NFAT5: variants seen among roughly 807,000 people sequenced by gnomAD.
NFAT5 encodes nuclear factor of activated T-cells 5.
NFAT5 carries 31 observed loss-of-function variants against 166.5 expected under a neutral mutation model. The observed-to-expected ratio is 0.19, with a 90% CI of 0.14 to 0.25. The LOEUF is 0.25. NFAT5 is among the 10% of genes least tolerant of loss of function. NFAT5 has a pLI of 1.00. For missense variants in NFAT5, 1,449 were observed against 1,821.8 expected (o/e 0.80, Z 3.72); for synonymous variants, 612 against 639.7 (o/e 0.96, Z 0.65).
Position 69,667,766 on chromosome 16 carries a change from C to T in NFAT5, c.1370-2211C>T, listed in dbSNP as rs561798028. ...ATTAATGTAATTTTAACAAGATATACCATATGTTTCTGGAATGTTTTTAAA... is the reference window on the plus strand; with the variant it reads ...ATTAATGTAATTTTAACAAGATATATCATATGTTTCTGGAATGTTTTTAAA... On this transcript the variant is annotated intron_variant, in intron 7 of 14. Transcript: ENST00000349945. Among the ~76,000 whole-genome samples the T allele has an allele frequency of 2.0e-5, 3 of 152,154 alleles. No homozygotes were observed. The South Asian group carries it at 6.2e-4, about 32-fold the overall frequency.
chr16:69,672,169 A>T (rs1347527979), intron 9 of NFAT5, among the ~76,000 whole-genome samples: 2 of 152,222 alleles, frequency 1.3e-5, no homozygotes, highest in African/African-American at 4.8e-5. Flanking sequence ...GACAAATGCT[A>T]TGTGGCAAGT....
At chr16:69,638,571 T>G (rs950016563) in intron 3 of NFAT5, among the ~76,000 whole-genome samples, 3 of 151,654 alleles carry the variant, frequency 2.0e-5, no homozygotes, top group Non-Finnish European at 4.4e-5. Context: ...CCATCTCTAC[T>G]AAAAAATACA....
intron 2 of NFAT5, among the ~76,000 whole-genome samples, chr16:69,624,490 C>A (rs2034355445): frequency 1.3e-5 from 2 of 152,172 alleles, no homozygotes; most frequent in African/African-American, 4.8e-5. Flanking sequence ...CAGGTGTGAG[C>A]CACCGCGCCT....
chr16:69,660,775 A>G (rs1212867684), intron 7 of NFAT5, among the ~76,000 whole-genome samples: 2 of 151,058 alleles, frequency 1.3e-5, no homozygotes, highest in African/African-American at 4.9e-5. Context: ...TAGGTAATAA[A>G]TAGGAAAAAT....
At position 69,566,027 on chromosome 16, in the gene NFAT5, G is replaced by T. The variant is rs1597318449; in HGVS notation, c.-275G>T. The T allele has an allele frequency of 6.3e-6, 2 of 315,640 alleles. No homozygotes were observed. The highest frequency in any genetic ancestry group is 3.1e-5 in the South Asian group (1 of 32,754). The allele number at this position is 315,640 out of a possible 1,614,324, so 19.6% of individuals were successfully genotyped here. ...GTCAGTTTTCGCTGAGGAGAAACACGAAACGGACCCTTTGGCTCTCCCCCT... is the reference window on the plus strand; with the variant it reads ...GTCAGTTTTCGCTGAGGAGAAACACTAAACGGACCCTTTGGCTCTCCCCCT... On this transcript the variant is annotated 5_prime_UTR_variant, in exon 1 of 15. Transcript: ENST00000349945. The surrounding 1 kb of genome is among the most constrained non-coding windows in gnomAD (Gnocchi z 5.7).
At chr16:69,630,763 C>T (rs570502632) in intron 3 of NFAT5, among the ~76,000 whole-genome samples, 19 of 152,214 alleles carry the variant, frequency 1.2e-4, no homozygotes, top group African/African-American at 4.6e-4. Flanking sequence ...AGAATTAAAA[C>T]ATAGGTATTA....
At chr16:69,608,342 A>G (rs966321498) in intron 2 of NFAT5, among the ~76,000 whole-genome samples, 65 of 152,288 alleles carry the variant, frequency 4.3e-4, no homozygotes, top group African/African-American at 1.3e-3. Context: ...GAGATCCTCT[A>G]TAGATCTCCA....
intron 1 of NFAT5, among the ~76,000 whole-genome samples, chr16:69,568,183 G>C (rs2016190678): frequency 6.6e-6 from 1 of 152,080 alleles, no homozygotes; most frequent in Non-Finnish European, 1.5e-5. Context: ...AGCCGGGCGT[G>C]GTGGTGCATG....
chr16:69,619,585 A>T (rs1009751083), intron 2 of NFAT5, among the ~76,000 whole-genome samples: 1 of 152,184 alleles, frequency 6.6e-6, no homozygotes, highest in Non-Finnish European at 1.5e-5. Context: ...ACATATACTG[A>T]GCCTGGCCCT....
At chr16:69,602,850 A>G (rs1460513738) in intron 2 of NFAT5, among the ~76,000 whole-genome samples, 7 of 149,856 alleles carry the variant, frequency 4.7e-5, no homozygotes, top group Non-Finnish European at 1.0e-4. Flanking sequence ...AGCTCAAGCA[A>G]TCCACCCACC....
chr16:69,612,211 G>A (rs1425577195), intron 2 of NFAT5, among the ~76,000 whole-genome samples: 1 of 152,130 alleles, frequency 6.6e-6, no homozygotes, highest in Non-Finnish European at 1.5e-5. Flanking sequence ...AGTGTCTCTT[G>A]TAAGTAGCGT....
chr16:69,621,962 C>CAAATA (rs147565539), intron 2 of NFAT5, among the ~76,000 whole-genome samples: 22 of 150,928 alleles, frequency 1.5e-4, no homozygotes, highest in East Asian at 9.8e-4. Context: ...GACCCTGACT[C>CAAATA]AAATAAAATA....
chr16:69,679,561 G>A (rs1230295162), intron 10 of NFAT5, among the ~76,000 whole-genome samples: 1 of 151,966 alleles, frequency 6.6e-6, no homozygotes, highest in African/African-American at 2.4e-5. Flanking sequence ...GTTGCAGTGA[G>A]CCAAGATCAC....
In NFAT5 at chr16:69,566,565, C is replaced by T. The variant is rs1034594215; in HGVS notation, c.73+191C>T. 8.7e-4 allele frequency among the ~76,000 whole-genome samples: 133 copies of T among 152,114 alleles called. 1 individual carries two copies. The highest frequency in any genetic ancestry group is 2.3e-3 in the Admixed American group (35 of 15,294). On this transcript the variant is annotated intron_variant, in intron 1 of 14. Transcript: ENST00000349945. The surrounding 1 kb of genome is among the most constrained non-coding windows in gnomAD (Gnocchi z 5.7). The stretch of plus-strand genomic sequence containing the variant: ...GTGGAGGGGGCGGGCGGAGCAGTGG[C>T]GGCCCCTCCCCCGCGGAGCCGCCGG...
chr16:69,674,891 T>G (rs1378264157), intron 9 of NFAT5, among the ~76,000 whole-genome samples: 2 of 152,244 alleles, frequency 1.3e-5, no homozygotes, highest in Non-Finnish European at 2.9e-5. Flanking sequence ...TCAATTGTTT[T>G]CCTCTTTTTA....
At chr16:69,688,215 A>AAC (rs1452412856) in intron 11 of NFAT5, among the ~76,000 whole-genome samples, 1 of 147,204 alleles carries the variant, frequency 6.8e-6, no homozygotes, top group African/African-American at 2.5e-5. Flanking sequence ...AAAAAAAAAA[A>AAC]AAAAAAAAAA....
At chr16:69,572,241 A>G (rs956527196) in intron 2 of NFAT5, among the ~76,000 whole-genome samples, 1 of 152,190 alleles carries the variant, frequency 6.6e-6, no homozygotes, top group Non-Finnish European at 1.5e-5. Context: ...ATGTTATAAT[A>G]CATGGCCATT....
rs28514573 is a variant in NFAT5 at position 69,681,402 on chromosome 16, C to A, written c.1691-3485C>A. Among the ~76,000 whole-genome samples the A allele has an allele frequency of 1.5e-3, 224 of 152,094 alleles. 2 individuals are homozygous for A. The highest frequency in any genetic ancestry group is 5.0e-3 in the African/African-American group (209 of 41,464). On this transcript the variant is annotated intron_variant, in intron 10 of 14. Coordinates refer to ENST00000349945, the MANE Select transcript of NFAT5 (RefSeq NM_138713.4). ...TCCTATCTTACTTTGACCAAAATAC[C>A]CTCATAACAACCTGAAAGGCTAAAT... is the stretch of plus-strand genomic sequence containing the variant.
At chr16:69,581,843 T>C (rs1439117965) in intron 2 of NFAT5, among the ~76,000 whole-genome samples, 1 of 152,228 alleles carries the variant, frequency 6.6e-6, no homozygotes, top group Non-Finnish European at 1.5e-5. Context: ...GAAATATGTA[T>C]ACATTGGCTA....
Sources: gnomAD v4.1 joint callset for allele counts (sites outside exome capture counted in the v4.1 genomes callset) on GRCh38, gnomAD v4.1.1 for gene constraint, Gnocchi (gnomAD v3.1) non-coding constraint, MANE v1.5 for transcripts, NCBI Gene and HGNC (gene_info 2026-07-23, HGNC 2026-07-21) for gene names.